CBX5: variants seen among roughly 807,000 people sequenced by gnomAD.
The protein encoded by CBX5 is chromobox 5.
CBX5 carries 7 observed loss-of-function variants against 20.7 expected under a neutral mutation model. The observed-to-expected ratio is 0.34, with a 90% CI of 0.19 to 0.63. The LOEUF (loss-of-function observed/expected upper bound fraction) is 0.63. CBX5 is among the 30% of genes least tolerant of loss of function. The pLI, the probability that CBX5 is intolerant of heterozygous loss-of-function variation, is 0.75. For synonymous variants in CBX5, 78 were observed against 77.0 expected (o/e 1.01, Z -0.07); for missense variants, 110 against 224.1 (o/e 0.49, Z 3.25).
chr12:54,246,824 C>T (rs1175408158), intron 3 of CBX5, among the ~76,000 whole-genome samples: 2 of 149,728 alleles, frequency 1.3e-5, no homozygotes, highest in Admixed American at 6.7e-5. Flanking sequence ...AAGAAAGATA[C>T]TCTGGAGTCA....
intron 1 of CBX5, among the ~76,000 whole-genome samples, chr12:54,279,432 C>T (rs576138246): frequency 6.6e-6 from 1 of 152,248 alleles, no homozygotes; most frequent in African/African-American, 2.4e-5. Context: ...CTAAAGGCTT[C>T]GTTAGAGAAG....
chr12:54,244,723 T>C (rs1013881597), intron 4 of CBX5, among the ~76,000 whole-genome samples: 5 of 151,998 alleles, frequency 3.3e-5, no homozygotes, highest in African/African-American at 1.2e-4. Flanking sequence ...AAAGAGACTC[T>C]GTCTCAAAAA....
At chr12:54,270,904 G>C (rs1166111067) in intron 1 of CBX5, among the ~76,000 whole-genome samples, 2 of 152,068 alleles carry the variant, frequency 1.3e-5, no homozygotes. Flanking sequence ...AAGAAAAAAG[G>C]GTGGGTGGCT....
intron 1 of CBX5, among the ~76,000 whole-genome samples, chr12:54,265,392 G>A (rs1476495097): frequency 6.6e-6 from 1 of 152,324 alleles, no homozygotes; most frequent in Middle Eastern, 3.4e-3. Context: ...TCTTGCAGTG[G>A]ATTTATGATT....
rs187510764 is a variant in CBX5, at chr12:54,248,814, A to G, written c.325-2599T>C. 3.6e-4 allele frequency among the ~76,000 whole-genome samples: 55 copies of G among 152,294 alleles called. No homozygotes were observed. In the Middle Eastern group the frequency reaches 0.01, roughly 28 times the overall value. On this transcript the variant is annotated intron_variant, in intron 3 of 4. Transcript: ENST00000209875. Reference sequence around the variant, plus strand: ...TAAATCAGGCATAATGCAAACTAACAAATTTCTTCTCCAGTGGTCTTAAGA... The same window carrying G: ...TAAATCAGGCATAATGCAAACTAACGAATTTCTTCTCCAGTGGTCTTAAGA...
intron 2 of CBX5, among the ~76,000 whole-genome samples, chr12:54,253,657 G>C (rs964782018): frequency 2.1e-5 from 3 of 145,718 alleles, no homozygotes; most frequent in African/African-American, 7.8e-5. Flanking sequence ...GAGCCCAGAA[G>C]GTTGAGGCTG....
Position 54,241,518 on chromosome 12 carries a change from T to C in CBX5, c.*237A>G. The C allele has an allele frequency of 2.3e-6, 1 of 427,474 alleles. No individual in the cohort carries two copies. Among genetic ancestry groups the C allele is most frequent in the Admixed American group, 4.2e-5 (1 of 23,670 alleles). 26.5% of individuals were successfully genotyped at this position (427,474 alleles called of 1,614,324 possible). A position where few individuals can be genotyped will look rare whatever the true frequency, so the allele number is the denominator to read the frequency against. ...GAGATCAGGGCAAAGGAAAAAAAAA[T>C]TGTGGGTATTACACTCAGTATGTAA... On this transcript the variant is annotated 3_prime_UTR_variant, in exon 5 of 5. Coordinates refer to ENST00000209875, the MANE Select transcript of CBX5 (RefSeq NM_012117.3).
At position 54,233,208 on chromosome 12, in the gene CBX5, T is replaced by C. The variant is rs570859608; in HGVS notation, c.*8547A>G. On this transcript the variant is annotated 3_prime_UTR_variant, in exon 5 of 5. Coordinates refer to ENST00000209875, the MANE Select transcript of CBX5 (RefSeq NM_012117.3). Reference sequence around the variant, plus strand: ...TCAGGGAGAGGGGATGAAAATATTCTCTGTAACTAATCATATAGACTCTTG... The same window carrying C: ...TCAGGGAGAGGGGATGAAAATATTCCCTGTAACTAATCATATAGACTCTTG... 2 of 152,290 alleles carry C rather than the reference T, an allele frequency of 1.3e-5. No individual in the cohort carries two copies. The highest frequency in any genetic ancestry group is 4.1e-4 in the South Asian group (2 of 4,830). 9.4% of individuals were successfully genotyped at this position (152,290 alleles called of 1,614,324 possible).
intron 1 of CBX5, among the ~76,000 whole-genome samples, chr12:54,276,008 A>T (rs894514053): frequency 2.6e-5 from 4 of 152,040 alleles, no homozygotes; most frequent in African/African-American, 9.7e-5. Context: ...AAAAAAAAAA[A>T]AACCTATCAC....
chr12:54,261,761 ATGT>A (rs1375664770), intron 1 of CBX5, among the ~76,000 whole-genome samples: 1 of 152,228 alleles, frequency 6.6e-6, no homozygotes, highest in African/African-American at 2.4e-5. Flanking sequence ...TTAACTTGCC[ATGT>A]GTTATCCTGA....
chr12:54,265,625 G>A (rs1368780005), intron 1 of CBX5, among the ~76,000 whole-genome samples: 3 of 152,126 alleles, frequency 2.0e-5, no homozygotes, highest in South Asian at 2.1e-4. Flanking sequence ...AACTATGGTC[G>A]TTAACACCCC....
At chr12:54,246,269 C>T (rs1943735017) in intron 3 of CBX5, 54 bp from the exon 4 acceptor site, 1 of 1,306,744 alleles carries the variant, frequency 7.7e-7, no homozygotes, top group African/African-American at 1.5e-5. Flanking sequence ...TAAAGAAACT[C>T]CCTGCTTCTA....
intron 2 of CBX5, 38 bp from the exon 3 acceptor site, chr12:54,252,265 G>C (rs780787158): frequency 6.8e-7 from 1 of 1,474,626 alleles, no homozygotes; most frequent in Non-Finnish European, 9.1e-7. Context: ...AAAAAAAGGG[G>C]GGGGTAAAGA....
chr12:54,243,455 G>A (rs944994189), intron 4 of CBX5, among the ~76,000 whole-genome samples: 2 of 152,174 alleles, frequency 1.3e-5, no homozygotes, highest in Admixed American at 6.5e-5. Context: ...CAGCTACTCA[G>A]GAGACTGAGG....
intron 1 of CBX5, among the ~76,000 whole-genome samples, chr12:54,262,229 A>T (rs1943920485): frequency 6.6e-6 from 1 of 152,230 alleles, no homozygotes; most frequent in Non-Finnish European, 1.5e-5. Context: ...GAATGACAGC[A>T]ATACTAACAT....
intron 3 of CBX5, 124 bp from the exon 4 acceptor site, chr12:54,246,339 G>T: frequency 1.4e-6 from 1 of 700,940 alleles, no homozygotes; most frequent in Non-Finnish European, 2.4e-6. Context: ...CACCAATTCA[G>T]AAAAATTTTT....
chr12:54,263,307 G>A (rs375775419), intron 1 of CBX5, among the ~76,000 whole-genome samples: 6 of 152,028 alleles, frequency 3.9e-5, no homozygotes, highest in East Asian at 3.9e-4. Context: ...GTTGCAGTGA[G>A]CCGAGATCAA....
intron 1 of CBX5, chr12:54,273,354 A>C (rs552302626): frequency 6.6e-6 from 1 of 152,312 alleles, no homozygotes; most frequent in South Asian, 2.1e-4. Flanking sequence ...GAGGCAGGAG[A>C]ATAGCTTGAA....
chr12:54,243,422 A>C (rs563043177), intron 4 of CBX5, among the ~76,000 whole-genome samples: 1 of 152,178 alleles, frequency 6.6e-6, no homozygotes, highest in Non-Finnish European at 1.5e-5. Context: ...TTAGCAGGCC[A>C]TGGTGGCATG....
Sources: allele counts gnomAD v4.1 joint callset (sites outside exome capture counted in the v4.1 genomes callset), GRCh38; gene constraint gnomAD v4.1.1; transcripts MANE v1.5; gene names NCBI Gene and HGNC (gene_info 2026-07-23, HGNC 2026-07-21).